ZC3H12B: variants seen among roughly 807,000 people sequenced by gnomAD.
The protein encoded by ZC3H12B is probable ribonuclease ZC3H12B.
In ZC3H12B, 7 loss-of-function variants were observed where a neutral mutation model predicts 43.9. That is an observed-to-expected ratio of 0.16 (90% confidence interval 0.09 to 0.30). The LOEUF (loss-of-function observed/expected upper bound fraction) is 0.30, where lower values mean the gene tolerates loss of function less well. Ranked by LOEUF, ZC3H12B falls within the 10% of genes least tolerant of loss-of-function variation. ZC3H12B has a pLI of 1.00. For missense variants in ZC3H12B, 475 were observed against 670.2 expected, an observed-to-expected ratio of 0.71 and a Z score of 3.22; for synonymous variants, 222 against 241.7, an observed-to-expected ratio of 0.92 and a Z score of 0.76.
chrX:65,407,771 G>A (rs780953942), intron 3 of ZC3H12B, among the ~76,000 whole-genome samples: 59 of 113,622 alleles, frequency 5.2e-4, no homozygotes, highest in African/African-American at 1.6e-3. Flanking sequence ...GAGGCCGGGG[G>A]GTTGGAGCAC....
chrX:65,227,242 T>G, the ZC3H12B span, among the ~76,000 whole-genome samples: 1 of 111,032 alleles, frequency 9.0e-6, no homozygotes, highest in East Asian at 2.8e-4. Flanking sequence ...TCAAAACCGC[T>G]CAACTACATG....
chrX:65,220,301 C>T, the ZC3H12B span, among the ~76,000 whole-genome samples: 3 of 111,226 alleles, frequency 2.7e-5, no homozygotes, highest in African/African-American at 9.8e-5. Context: ...ATGAAAAAAA[C>T]CCAAGGTGCT....
chrX:65,045,576 T>C, the ZC3H12B span, among the ~76,000 whole-genome samples: 1 of 112,173 alleles, frequency 8.9e-6, no homozygotes, highest in East Asian at 2.8e-4. Context: ...ATTCTTCTGC[T>C]ATTTCTACCA....
At chrX:65,125,634 T>C in the ZC3H12B span, among the ~76,000 whole-genome samples, 1 of 111,397 alleles carries the variant, frequency 9.0e-6, no homozygotes, top group South Asian at 3.8e-4. Flanking sequence ...ATAATAGTAA[T>C]TGTTTTATGA....
the ZC3H12B span, among the ~76,000 whole-genome samples, chrX:65,275,181 A>T: frequency 8.9e-6 from 1 of 112,728 alleles, no homozygotes. Flanking sequence ...TGGGTCTGAG[A>T]AAAACAACCC....
At chrX:65,189,563 T>A in the ZC3H12B span, among the ~76,000 whole-genome samples, 15 of 107,932 alleles carry the variant, frequency 1.4e-4, no homozygotes, top group Admixed American at 5.9e-4. Context: ...ATGAGCATTT[T>A]TTCATGTGTT....
chrX:65,189,502 G>C, the ZC3H12B span, among the ~76,000 whole-genome samples: 45 of 108,801 alleles, frequency 4.1e-4, no homozygotes, highest in East Asian at 0.011. Flanking sequence ...AATGGTGTGA[G>C]ATGGTATCTC....
chrX:65,487,505 A>T (rs1225835109), upstream of ZC3H12B, among the ~76,000 whole-genome samples: 2 of 111,506 alleles, frequency 1.8e-5, no homozygotes, highest in African/African-American at 6.5e-5. Flanking sequence ...ATGCCACTGC[A>T]CTCCAGCCTG....
the ZC3H12B span, among the ~76,000 whole-genome samples, chrX:65,088,003 G>T: frequency 8.9e-6 from 1 of 111,752 alleles, no homozygotes; most frequent in Admixed American, 9.5e-5. Context: ...TTTGCACTTA[G>T]TAATGATGTA....
the ZC3H12B span, among the ~76,000 whole-genome samples, chrX:65,270,016 A>G: frequency 8.9e-6 from 1 of 111,956 alleles, no homozygotes; most frequent in Non-Finnish European, 1.9e-5. Context: ...TGTTTTTCAT[A>G]GAAATAGAAC....
At chrX:65,390,277 G>A (rs1602365801) in intron 2 of ZC3H12B, among the ~76,000 whole-genome samples, 1 of 110,542 alleles carries the variant, frequency 9.0e-6, no homozygotes, top group South Asian at 3.9e-4. Flanking sequence ...GAGGGGGAGG[G>A]ACAGCATTAG....
At chrX:65,399,060 A>G (rs1602381748) in intron 3 of ZC3H12B, among the ~76,000 whole-genome samples, 2 of 112,462 alleles carry the variant, frequency 1.8e-5, no homozygotes, top group Non-Finnish European at 3.8e-5. Flanking sequence ...TAAGACCTCA[A>G]ATTGTGAAAC....
At chrX:65,315,456 C>T in the ZC3H12B span, among the ~76,000 whole-genome samples, 1 of 111,228 alleles carries the variant, frequency 9.0e-6, no homozygotes, top group Admixed American at 9.6e-5. Context: ...AATGTTGTGA[C>T]AATCACTAAC....
At chrX:65,164,006 C>G in the ZC3H12B span, among the ~76,000 whole-genome samples, 1 of 111,846 alleles carries the variant, frequency 8.9e-6, no homozygotes, top group African/African-American at 3.3e-5. Context: ...AACTACCTGT[C>G]GTTATAGCCT....
At chrX:65,242,984 G>T in the ZC3H12B span, among the ~76,000 whole-genome samples, 4 of 111,754 alleles carry the variant, frequency 3.6e-5, no homozygotes, top group African/African-American at 1.3e-4. Context: ...AAATCACAAT[G>T]GATAAAAGAC....
At chrX:65,267,187 T>TTTTC in the ZC3H12B span, among the ~76,000 whole-genome samples, 1 of 98,959 alleles carries the variant, frequency 1.0e-5, no homozygotes, top group Non-Finnish European at 1.9e-5. Context: ...AGAGTATTTT[T>TTTTC]TTTCTTTCTT....
chrX:65,171,033 TCTC>T, the ZC3H12B span, among the ~76,000 whole-genome samples: 1 of 112,173 alleles, frequency 8.9e-6, no homozygotes, highest in African/African-American at 3.2e-5. Flanking sequence ...GAAGCCTTCT[TCTC>T]TCAACTTGTC....
At chrX:65,168,694 A>G in the ZC3H12B span, among the ~76,000 whole-genome samples, 8 of 111,203 alleles carry the variant, frequency 7.2e-5, no homozygotes, top group Non-Finnish European at 1.5e-4. Context: ...TTGGTAGGCT[A>G]TTAATTATTG....
At chrX:65,157,608 C>T in the ZC3H12B span, among the ~76,000 whole-genome samples, 4 of 111,013 alleles carry the variant, frequency 3.6e-5, no homozygotes, top group Admixed American at 9.7e-5. Context: ...TTAAATATGT[C>T]CTTTGTAACA....
Sources: gnomAD v4.1 joint callset for allele counts (sites outside exome capture counted in the v4.1 genomes callset) on GRCh38, gnomAD v4.1.1 for gene constraint, MANE v1.5 for transcripts, NCBI Gene and HGNC (gene_info 2026-07-23, HGNC 2026-07-21) for gene names.